Variants in MRPS35 observed in about 807,000 individuals in gnomAD.
MRPS35 encodes mitochondrial ribosomal protein S35, also known as small ribosomal subunit protein mS35.
Under a neutral mutation model 32.7 loss-of-function variants are expected in MRPS35, and 29 were observed. The ratio of observed to expected loss-of-function variants is 0.89; its 90% confidence interval spans 0.66 to 1.21. The LOEUF (loss-of-function observed/expected upper bound fraction) is 1.21. MRPS35 is among the 50% of genes most tolerant of loss of function. The probability of loss-of-function intolerance (pLI) is 0.00; values close to 1 mark genes in which losing one functional copy is unlikely to be tolerated. For missense variants in MRPS35, 373 were observed against 383.8 expected (o/e 0.97, Z 0.23); for synonymous variants, 148 against 139.3 (o/e 1.06, Z -0.44).
In MRPS35 at chr12:27,755,538, A is replaced by G; in HGVS notation, c.*88A>G. 2.4e-6 allele frequency: 3 copies of G among 1,269,850 alleles called. No homozygotes were observed. The highest frequency in any genetic ancestry group is 5.2e-5 in the East Asian group (2 of 38,164). The allele number at this position is 1,269,850 out of a possible 1,614,324, so 78.7% of individuals were successfully genotyped here. A position where few individuals can be genotyped will look rare whatever the true frequency, so the allele number is the denominator to read the frequency against. On this transcript the variant is annotated 3_prime_UTR_variant, in exon 8 of 8. Coordinates refer to ENST00000081029, the MANE Select transcript of MRPS35 (RefSeq NM_021821.4). The stretch of plus-strand genomic sequence containing the variant: ...TTTGATATAAAATTGAAAATGTTAA[A>G]AAATCATTTTTTTTCCTCAGAGTTA...
chr12:27,735,681 C>T, intron 6 of MRPS35, 125 bp downstream of exon 6: 1 of 692,190 alleles, frequency 1.4e-6, no homozygotes, highest in Non-Finnish European at 2.5e-6. Flanking sequence ...TCTTATTAAG[C>T]AGAGTTCTCT....
At chr12:27,711,014 C>A in intron 1 of MRPS35, 59 bp downstream of exon 1, 1 of 1,499,654 alleles carries the variant, frequency 6.7e-7, no homozygotes, top group Non-Finnish European at 9.1e-7. Flanking sequence ...GGAATACCGG[C>A]CTCATGAAGG....
intron 7 of MRPS35, among the ~76,000 whole-genome samples, chr12:27,738,321 T>A (rs973728193): frequency 3.9e-5 from 6 of 152,208 alleles, no homozygotes; most frequent in African/African-American, 1.4e-4. Flanking sequence ...CCGTGCTCCA[T>A]CACATGAGAT....
rs1337191694 is a variant in MRPS35, at chr12:27,710,905, C to T, written c.62C>T (p.Ala21Val). The change falls in exon 1 of 8, where the codon GCA becomes GTA. Residue 21 changes from alanine to valine, a missense_variant. By Grantham distance (64) the Ala-to-Val change is moderately conservative. Coordinates refer to ENST00000081029, the MANE Select transcript of MRPS35 (RefSeq NM_021821.4). Reference protein sequence around the residue: ...SLQSRARTLRAFSTAVYSATP... With the variant: ...SLQSRARTLRVFSTAVYSATP... ...CAGTCGAGGGCAAGGACTCTGCGTG[C>T]ATTCTCCACTGCCGTCTACTCGGCC... is the stretch of plus-strand genomic sequence containing the variant. 1.2e-6 allele frequency: 2 copies of T among 1,613,158 alleles called. No individual in the cohort carries two copies. The highest frequency in any genetic ancestry group is 1.7e-6 in the Non-Finnish European group (2 of 1,179,920).
chr12:27,716,361 C>A lies in MRPS35; in HGVS notation c.224C>A (p.Pro75Gln). Residue 75 changes from proline to glutamine, a missense_variant, in exon 3 of 8, where the codon CCA becomes CAA. Coordinates refer to ENST00000081029, the MANE Select transcript of MRPS35 (RefSeq NM_021821.4). ...CCTAGTGTTTACCCAGTTGCAGCAC[C>A]ATTTAAACCCTCTGCAGTACCTCTT... ...DWPSVYPVAA[P>Q]FKPSAVPLPV... 6.2e-7 allele frequency: 1 copy of A among 1,614,132 alleles called. No homozygotes were observed. The highest frequency in any genetic ancestry group is 8.5e-7 in the Non-Finnish European group (1 of 1,180,016).
At position 27,737,554 on chromosome 12, in the gene MRPS35, G is replaced by A. The variant is rs773511193; in HGVS notation, c.648G>A (p.Arg216=). The A allele has an allele frequency of 6.2e-7, 1 of 1,612,366 alleles. No individual in the cohort carries two copies. Among genetic ancestry groups the A allele is most frequent in the Non-Finnish European group, 8.5e-7 (1 of 1,178,734 alleles). Residue 216 remains arginine (R), a synonymous_variant, in exon 7 of 8, where the codon AGG becomes AGA. Coordinates refer to ENST00000081029, the MANE Select transcript of MRPS35 (RefSeq NM_021821.4). ...TCTTTAATAGGTGCCCTTTAAGGAG[G>A]CAGAATTACGATTATGCAGTGTATC... ...TIKTDRCPLR[R]QNYDYAVYLL... is the part of the protein sequence containing the mutation.
chr12:27,732,458 C>A lies in MRPS35; in HGVS notation c.523-2989C>A, dbSNP rs139224483. The stretch of plus-strand genomic sequence containing the variant: ...CCCTTCTGCTGACTTCATGTCTGCC[C>A]TGCTAGACTCTGCACCCCACCTGCT... On this transcript the variant is annotated intron_variant, in intron 5 of 7. Coordinates refer to ENST00000081029, the MANE Select transcript of MRPS35 (RefSeq NM_021821.4). 2.6e-5 allele frequency among the ~76,000 whole-genome samples: 4 copies of A among 152,258 alleles called. No individual in the cohort carries two copies. The East Asian group carries it at 7.7e-4, about 29-fold the overall frequency.
intron 7 of MRPS35, among the ~76,000 whole-genome samples, chr12:27,746,457 T>C (rs1359835973): frequency 6.6e-6 from 1 of 152,180 alleles, no homozygotes; most frequent in Non-Finnish European, 1.5e-5. Context: ...ATCCTAAGCA[T>C]TTTGGATAAG....
chr12:27,713,926 G>T (rs79741190), intron 1 of MRPS35, among the ~76,000 whole-genome samples: 3,806 of 151,758 alleles, frequency 0.025, 152 homozygotes, highest in African/African-American at 0.087. Flanking sequence ...GTCTCTACAA[G>T]AATTAGCCGG....
chr12:27,750,118 T>A (rs2061996021), intron 7 of MRPS35, among the ~76,000 whole-genome samples: 1 of 152,258 alleles, frequency 6.6e-6, no homozygotes. Context: ...TTATATTTTG[T>A]TCATTCCATT....
chr12:27,755,158 T>C (rs1379776713), intron 7 of MRPS35, 23 bp from the exon 8 acceptor site: 2 of 1,492,976 alleles, frequency 1.3e-6, no homozygotes, highest in Admixed American at 2.5e-5. Flanking sequence ...GAACTCATTT[T>C]TTTTTGTTTT....
At chr12:27,718,120 T>G (rs2061858500) in intron 3 of MRPS35, among the ~76,000 whole-genome samples, 1 of 152,206 alleles carries the variant, frequency 6.6e-6, no homozygotes, top group African/African-American at 2.4e-5. Context: ...GCCTATTTTC[T>G]CTTGATTAAA....
intron 7 of MRPS35, among the ~76,000 whole-genome samples, chr12:27,741,853 A>G (rs2061965518): frequency 6.6e-6 from 1 of 152,198 alleles, no homozygotes; most frequent in Non-Finnish European, 1.5e-5. Flanking sequence ...TGAATTACTA[A>G]TGGTTGCTTT....
At chr12:27,752,334 T>C (rs2062008174) in intron 7 of MRPS35, among the ~76,000 whole-genome samples, 2 of 152,334 alleles carry the variant, frequency 1.3e-5, no homozygotes, top group South Asian at 2.1e-4. Context: ...GGCAAACCAG[T>C]GTATAATTAT....
intron 7 of MRPS35, among the ~76,000 whole-genome samples, chr12:27,740,267 C>CTT (rs35636242): frequency 4.2e-5 from 6 of 142,610 alleles, no homozygotes; most frequent in Non-Finnish European, 6.1e-5. Flanking sequence ...CTTCCTTTGG[C>CTT]TTTTTTTTTT....
At chr12:27,720,219 C>G (rs1029114865) in intron 4 of MRPS35, among the ~76,000 whole-genome samples, 1 of 151,990 alleles carries the variant, frequency 6.6e-6, no homozygotes, top group Non-Finnish European at 1.5e-5. Flanking sequence ...TAGTGAAACC[C>G]TGTCTCTACT....
chr12:27,746,641 A>C (rs1036788664), intron 7 of MRPS35, among the ~76,000 whole-genome samples: 10 of 152,234 alleles, frequency 6.6e-5, no homozygotes, highest in African/African-American at 2.4e-4. Context: ...GGTGCTACAC[A>C]GAAGGTGACA....
At chr12:27,743,097 G>A (rs1185627633) in intron 7 of MRPS35, among the ~76,000 whole-genome samples, 1 of 151,846 alleles carries the variant, frequency 6.6e-6, no homozygotes, top group African/African-American at 2.4e-5. Flanking sequence ...CTGGGCTCAG[G>A]TGATCCTCCT....
At chr12:27,746,502 G>T (rs1339097137) in intron 7 of MRPS35, among the ~76,000 whole-genome samples, 4 of 152,150 alleles carry the variant, frequency 2.6e-5, no homozygotes, top group Non-Finnish European at 5.9e-5. Flanking sequence ...CAGAGCTTGA[G>T]GGTAAGGGGT....
Sources: allele counts gnomAD v4.1 joint callset (sites outside exome capture counted in the v4.1 genomes callset), GRCh38; gene constraint gnomAD v4.1.1; transcripts MANE v1.5; gene names NCBI Gene and HGNC (gene_info 2026-07-23, HGNC 2026-07-21).